HMCN1: variants seen among roughly 807,000 people sequenced by gnomAD.
HMCN1 encodes the protein hemicentin 1, also known as hemicentin-1.
A neutral mutation model predicts 625.9 loss-of-function variants in HMCN1; 321 were observed. The ratio of observed to expected loss-of-function variants is 0.51; its 90% confidence interval spans 0.47 to 0.56. HMCN1 has a LOEUF of 0.56. Ranked by LOEUF, HMCN1 falls within the 20% of genes least tolerant of loss-of-function variation. The pLI, the probability that HMCN1 is intolerant of heterozygous loss-of-function variation, is 0.00. For missense variants in HMCN1, 6,588 were observed against 6,887.3 expected (o/e 0.96, Z 1.54); for synonymous variants, 2,425 against 2,417.6 (o/e 1.00, Z -0.09).
chr1:185,846,605 A>T (rs1319316462), intron 2 of HMCN1, among the ~76,000 whole-genome samples: 1 of 152,238 alleles, frequency 6.6e-6, no homozygotes, highest in Non-Finnish European at 1.5e-5. Context: ...ACTTAGAGGT[A>T]AAGTTGCAAT....
chr1:185,968,368 T>C (rs1650569435), intron 14 of HMCN1, among the ~76,000 whole-genome samples: 1 of 152,040 alleles, frequency 6.6e-6, no homozygotes. Context: ...AACTTTCTCA[T>C]GTTTTGAAAA....
chr1:186,145,684 C>A, intron 92 of HMCN1, 69 bp from the exon 93 acceptor site: 2 of 1,612,030 alleles, frequency 1.2e-6, no homozygotes, highest in Non-Finnish European at 1.7e-6. Flanking sequence ...GGCAGGGGCA[C>A]CCCAAGTATA....
chr1:185,993,157 C>G (rs781557821), intron 22 of HMCN1, 25 bp from the exon 23 acceptor site: 4 of 1,605,598 alleles, frequency 2.5e-6, no homozygotes, highest in African/African-American at 2.7e-5. Flanking sequence ...CTTCCATGGT[C>G]TACTATATGG....
chr1:185,767,295 A>G (rs1655937391), intron 1 of HMCN1, among the ~76,000 whole-genome samples: 1 of 152,208 alleles, frequency 6.6e-6, no homozygotes, highest in Non-Finnish European at 1.5e-5. Context: ...GAGCTCTCCA[A>G]TAATTGAGCA....
intron 4 of HMCN1, among the ~76,000 whole-genome samples, chr1:185,876,576 CT>C (rs1217187830): frequency 6.6e-6 from 1 of 151,930 alleles, no homozygotes; most frequent in Non-Finnish European, 1.5e-5. Flanking sequence ...AACATCTGCT[CT>C]TTTTTGACTT....
At chr1:185,974,139 A>G (rs779864362) in intron 15 of HMCN1, among the ~76,000 whole-genome samples, 7 of 152,214 alleles carry the variant, frequency 4.6e-5, no homozygotes, top group Non-Finnish European at 1.0e-4. Context: ...AACCCTGTGC[A>G]GATCTCAAGA....
intron 6 of HMCN1, among the ~76,000 whole-genome samples, chr1:185,918,477 A>G (rs1666840345): frequency 6.6e-6 from 1 of 152,176 alleles, no homozygotes; most frequent in African/African-American, 2.4e-5. Context: ...TTCCTCCTCC[A>G]GTTCACTGAC....
At chr1:185,809,069 G>A (rs61829883) in intron 1 of HMCN1, among the ~76,000 whole-genome samples, 4,379 of 152,170 alleles carry the variant, frequency 0.029, 89 homozygotes, top group Middle Eastern at 0.071. Context: ...GATAGTATTC[G>A]GTGTAGTACT....
intron 105 of HMCN1, among the ~76,000 whole-genome samples, chr1:186,182,737 G>A (rs890258843): frequency 8.5e-5 from 13 of 152,202 alleles, no homozygotes; most frequent in Middle Eastern, 3.4e-3. Context: ...TCATTCATTC[G>A]TTGAGTCTAC....
chr1:186,148,612 G>A (rs572673501), intron 93 of HMCN1, among the ~76,000 whole-genome samples: 3 of 151,984 alleles, frequency 2.0e-5, no homozygotes, highest in African/African-American at 4.8e-5. Flanking sequence ...GGGTTCAAGC[G>A]ATTCTCCTGT....
Position 186,035,704 on chromosome 1 carries a change from A to G in HMCN1, c.5750-2230A>G, listed in dbSNP as rs533680909. On this transcript the variant is annotated intron_variant, in intron 36 of 106. Transcript: ENST00000271588. ...CCCATGTAGATAGCTTTATATTTTC[A>G]TTGTTGATTTATATTTTATAGCTTT... Among the ~76,000 whole-genome samples the G allele has an allele frequency of 1.0e-3, 158 of 151,964 alleles. 1 individual carries two copies. The highest frequency in any genetic ancestry group is 3.7e-3 in the African/African-American group (152 of 41,460).
At chr1:186,060,946 C>T (rs1348168637) in intron 46 of HMCN1, among the ~76,000 whole-genome samples, 3 of 152,068 alleles carry the variant, frequency 2.0e-5, no homozygotes, top group Non-Finnish European at 4.4e-5. Flanking sequence ...TGTTTATACA[C>T]TCCATAGTCT....
At chr1:186,079,073 C>T (rs1052113392) in intron 55 of HMCN1, among the ~76,000 whole-genome samples, 7 of 152,144 alleles carry the variant, frequency 4.6e-5, no homozygotes, top group Non-Finnish European at 1.0e-4. Flanking sequence ...GGATCAGGTT[C>T]GATCCCCAGC....
intron 1 of HMCN1, among the ~76,000 whole-genome samples, chr1:185,753,791 G>A (rs1027494083): frequency 2.6e-5 from 4 of 152,160 alleles, no homozygotes; most frequent in Admixed American, 2.0e-4. Context: ...CTAAGGATGT[G>A]GTGGATAGGG....
intron 46 of HMCN1, among the ~76,000 whole-genome samples, chr1:186,058,672 CTG>C (rs1392509239): frequency 2.0e-5 from 3 of 151,858 alleles, no homozygotes; most frequent in Non-Finnish European, 4.4e-5. Context: ...AGATTTGTGT[CTG>C]AATATAAACA....
chr1:185,922,347 T>G, intron 6 of HMCN1, 32 bp from the exon 7 acceptor site: 1 of 1,612,278 alleles, frequency 6.2e-7, no homozygotes, highest in Non-Finnish European at 8.5e-7. Context: ...CTGGATCAAC[T>G]GCTGACCAGG....
At chr1:186,054,133 A>T (rs368585489) in intron 44 of HMCN1, 147 bp downstream of exon 44, 14 of 851,804 alleles carry the variant, frequency 1.6e-5, no homozygotes, top group African/African-American at 1.5e-4. Context: ...TTGTGCTGAC[A>T]TAACTGGAGA....
At chr1:186,155,334 G>A (rs1236195294) in intron 97 of HMCN1, among the ~76,000 whole-genome samples, 2 of 151,998 alleles carry the variant, frequency 1.3e-5, no homozygotes, top group African/African-American at 4.8e-5. Context: ...GCACACCATT[G>A]CCACCACTAC....
chr1:185,962,567 G>A lies in HMCN1; in HGVS notation c.1878G>A (p.Gly626=). The stretch of plus-strand genomic sequence containing the variant: ...CCAAGAATCAGTCTTTCACAGGAGG[G>A]TCTGAGGTCTCCATCATGTGTTCTG... ...VMPKNQSFTG[G]SEVSIMCSAT... is the part of the protein sequence containing the mutation. The change falls in exon 12 of 107, where the codon GGG becomes GGA. Residue 626 remains glycine (G), a synonymous_variant. Coordinates refer to ENST00000271588, the MANE Select transcript of HMCN1 (RefSeq NM_031935.3). 2.5e-6 allele frequency: 4 copies of A among 1,611,054 alleles called. No homozygotes were observed. The highest frequency in any genetic ancestry group is 2.5e-6 in the Non-Finnish European group (3 of 1,177,264).
Sources: gnomAD v4.1 joint callset for allele counts (sites outside exome capture counted in the v4.1 genomes callset) on GRCh38, gnomAD v4.1.1 for gene constraint, MANE v1.5 for transcripts, NCBI Gene and HGNC (gene_info 2026-07-23, HGNC 2026-07-21) for gene names.